Variants in COL4A2 observed in about 807,000 individuals in gnomAD.
COL4A2 encodes the protein collagen alpha-2(IV) chain.
A neutral mutation model predicts 200.2 loss-of-function variants in COL4A2; 99 were observed. The ratio of observed to expected loss-of-function variants is 0.49; its 90% CI spans 0.42 to 0.58. The LOEUF (loss-of-function observed/expected upper bound fraction) is 0.58. COL4A2 is among the 20% of genes least tolerant of loss of function. The pLI is 0.00. For missense variants in COL4A2, 1,950 were observed against 2,314.1 expected, an observed-to-expected ratio of 0.84 and a Z score of 3.23; for synonymous variants, 897 against 900.6, an observed-to-expected ratio of 1.00 and a Z score of 0.07.
chr13:110,498,978 C>A (rs1187092585), intron 40 of COL4A2, among the ~76,000 whole-genome samples: 1 of 152,228 alleles, frequency 6.6e-6, no homozygotes, highest in Non-Finnish European at 1.5e-5. Context: ...CTGATGACTT[C>A]AGAGCAGGTC....
chr13:110,439,965 G>A, intron 16 of COL4A2, 132 bp downstream of exon 16: 1 of 1,358,410 alleles, frequency 7.4e-7, no homozygotes, highest in Non-Finnish European at 9.9e-7. Flanking sequence ...TCTTGTATTT[G>A]CAGTCACAAA....
chr13:110,384,082 T>C (rs1288761352), intron 4 of COL4A2, among the ~76,000 whole-genome samples: 2 of 152,206 alleles, frequency 1.3e-5, no homozygotes, highest in East Asian at 3.9e-4. Flanking sequence ...CACTGCCGCA[T>C]ACAGGAAATA....
At chr13:110,369,150 G>A (rs367834478) in intron 4 of COL4A2, among the ~76,000 whole-genome samples, 3 of 152,264 alleles carry the variant, frequency 2.0e-5, no homozygotes, top group South Asian at 4.2e-4. Context: ...GTTGGAGGTT[G>A]CAGTGAGCCG....
At chr13:110,388,254 A>G (rs576864196) in intron 4 of COL4A2, among the ~76,000 whole-genome samples, 1 of 152,262 alleles carries the variant, frequency 6.6e-6, no homozygotes, top group East Asian at 1.9e-4. Flanking sequence ...CGCAGTCTGC[A>G]TTTCCCCAGC....
At chr13:110,375,661 C>A (rs969278022) in intron 4 of COL4A2, among the ~76,000 whole-genome samples, 1 of 152,146 alleles carries the variant, frequency 6.6e-6, no homozygotes, top group African/African-American at 2.4e-5. Flanking sequence ...GAAACCTCTT[C>A]TCGACTGAAA....
Position 110,424,881 on chromosome 13 carries a change from G to A in COL4A2, c.315+13G>A. 1 of 1,614,134 alleles carries A rather than the reference G, an allele frequency of 6.2e-7. No homozygotes were observed. The highest frequency in any genetic ancestry group is 1.3e-5 in the African/African-American group (1 of 75,048). On this transcript the variant is annotated intron_variant, in intron 5 of 47. Transcript: ENST00000360467. The stretch of plus-strand genomic sequence containing the variant: ...CAAGGGCGACGTGGTACGCACCGCT[G>A]GTGTATTCCCCTGGCCTCATGAGGG...
intron 4 of COL4A2, among the ~76,000 whole-genome samples, chr13:110,402,155 T>TA (rs1223321829): frequency 2.0e-5 from 3 of 152,194 alleles, no homozygotes; most frequent in African/African-American, 7.2e-5. Context: ...AAAATCAACC[T>TA]AAAAAGTCTA....
At chr13:110,373,775 G>A (rs905854625) in intron 4 of COL4A2, among the ~76,000 whole-genome samples, 8 of 152,332 alleles carry the variant, frequency 5.3e-5, no homozygotes, top group Admixed American at 1.3e-4. Context: ...TAATGCCTCC[G>A]TCCTCCAGCA....
At chr13:110,496,431 G>A (rs1035390873) in intron 40 of COL4A2, among the ~76,000 whole-genome samples, 1 of 152,350 alleles carries the variant, frequency 6.6e-6, no homozygotes, top group Admixed American at 6.5e-5. Context: ...CTGAAGATAG[G>A]AGAAAGAGGA....
At chr13:110,486,749 G>A (rs1419183449) in intron 34 of COL4A2, among the ~76,000 whole-genome samples, 1 of 152,010 alleles carries the variant, frequency 6.6e-6, no homozygotes, top group Non-Finnish European at 1.5e-5. Context: ...GGTAGGTAAA[G>A]GAAAAAGGGG....
At chr13:110,484,069 TAGC>T (rs1200715611) in intron 32 of COL4A2, among the ~76,000 whole-genome samples, 6 of 148,990 alleles carry the variant, frequency 4.0e-5, no homozygotes, top group African/African-American at 1.5e-4. Context: ...GTCTTCCTGT[TAGC>T]AGAGATTTCA....
intron 3 of COL4A2, among the ~76,000 whole-genome samples, chr13:110,332,512 C>T (rs1875971969): frequency 6.6e-6 from 1 of 152,238 alleles, no homozygotes; most frequent in Non-Finnish European, 1.5e-5. Context: ...CTCCCACACA[C>T]AGCACCTTCT....
At position 110,404,618 on chromosome 13, in the gene COL4A2, TAAG is replaced by T. The variant is rs539326092; in HGVS notation, c.181-20108_181-20106del. The stretch of plus-strand genomic sequence containing the variant: ...TGGACCCACCATTGCTGAGTGTGTG[TAAG>T]AAGAAGAGCAGGACCAGGGAGGTGG... On this transcript the variant is annotated intron_variant, in intron 4 of 47. Transcript: ENST00000360467. Among the ~76,000 whole-genome samples, 182 of 152,198 alleles carry T rather than the reference TAAG, an allele frequency of 1.2e-3. 1 individual carries two copies. Among genetic ancestry groups the T allele is most frequent in the African/African-American group, 4.1e-3 (169 of 41,528 alleles).
At chr13:110,326,309 G>A (rs976873251) in intron 3 of COL4A2, among the ~76,000 whole-genome samples, 1 of 152,140 alleles carries the variant, frequency 6.6e-6, no homozygotes, top group Admixed American at 6.5e-5. Flanking sequence ...GTGTACATAA[G>A]GTACTTAACC....
At chr13:110,399,075 C>G (rs989577497) in intron 4 of COL4A2, among the ~76,000 whole-genome samples, 27 of 152,094 alleles carry the variant, frequency 1.8e-4, no homozygotes, top group Non-Finnish European at 3.2e-4. Flanking sequence ...GCCCAGTATT[C>G]TGGTAACTAT....
chr13:110,511,875 A>AC, intron 47 of COL4A2, 59 bp from the exon 48 acceptor site: 1 of 1,610,544 alleles, frequency 6.2e-7, no homozygotes, highest in Non-Finnish European at 8.5e-7. Flanking sequence ...CTATGCCCTG[A>AC]CCCCGTGCCA....
At chr13:110,435,070 T>C (rs956494589) in intron 12 of COL4A2, among the ~76,000 whole-genome samples, 1 of 152,272 alleles carries the variant, frequency 6.6e-6, no homozygotes, top group East Asian at 1.9e-4. Flanking sequence ...CTTGGCCTCA[T>C]GATTGGAACA....
At chr13:110,481,593 T>TTGCTGGAGACACACTGTTCTGTCCCTCCG (rs1882920131) in intron 31 of COL4A2, among the ~76,000 whole-genome samples, 1 of 24,116 alleles carries the variant, frequency 4.1e-5, no homozygotes, top group African/African-American at 1.3e-4. Context: ...TGTCCCTCCG[T>TTGCTGGAGACACACTGTTCTGTCCCTCCG]TGCTGGAGAC....
At chr13:110,392,283 C>CA (rs1879016884) in intron 4 of COL4A2, among the ~76,000 whole-genome samples, 1 of 152,188 alleles carries the variant, frequency 6.6e-6, no homozygotes, top group South Asian at 2.1e-4. Context: ...TTCTTGCATT[C>CA]ACGTTCCAAA....
Sources: gnomAD v4.1 joint callset for allele counts (sites outside exome capture counted in the v4.1 genomes callset) on GRCh38, gnomAD v4.1.1 for gene constraint, MANE v1.5 for transcripts, NCBI Gene and HGNC (gene_info 2026-07-23, HGNC 2026-07-21) for gene names.